The following MDGA2 variants were observed in gnomAD, a reference collection of about 807,000 sequenced individuals.
MDGA2 encodes the protein MAM domain-containing glycosylphosphatidylinositol anchor protein 2.
Under a neutral mutation model 117.8 loss-of-function variants are expected in MDGA2, and 40 were observed. The ratio of observed to expected loss-of-function variants is 0.34; its 90% CI spans 0.26 to 0.44. The LOEUF (loss-of-function observed/expected upper bound fraction) is 0.44. Among genes scored for constraint, MDGA2 ranks in the 20% least tolerant of loss-of-function variants. The probability of loss-of-function intolerance (pLI) is 1.00; values close to 1 mark genes in which losing one functional copy is unlikely to be tolerated. For synonymous variants in MDGA2, 452 were observed against 439.0 expected, an observed-to-expected ratio of 1.03 and a Z score of -0.37; for missense variants, 1,123 against 1,250.6, an observed-to-expected ratio of 0.90 and a Z score of 1.54.
chr14:47,157,595 A>ATATGTG (rs1281939078), intron 3 of MDGA2, among the ~76,000 whole-genome samples: 2 of 144,436 alleles, frequency 1.4e-5, no homozygotes, highest in African/African-American at 5.2e-5. Context: ...ATGTACATAT[A>ATATGTG]TGTGTGTGTG....
At chr14:47,609,267 T>A (rs1896795278) in intron 1 of MDGA2, among the ~76,000 whole-genome samples, 1 of 150,422 alleles carries the variant, frequency 6.6e-6, no homozygotes, top group Non-Finnish European at 1.5e-5. Context: ...TTCTTATGCT[T>A]TTGCGTCCTC....
At chr14:46,943,597 C>G (rs1382379613) in intron 9 of MDGA2, among the ~76,000 whole-genome samples, 5 of 152,010 alleles carry the variant, frequency 3.3e-5, no homozygotes, top group African/African-American at 4.8e-5. Context: ...TATCACATTC[C>G]ATACTTCATG....
intron 2 of MDGA2, among the ~76,000 whole-genome samples, chr14:47,220,735 G>A (rs968868074): frequency 1.3e-5 from 2 of 152,120 alleles, no homozygotes; most frequent in Admixed American, 1.3e-4. Flanking sequence ...TTTTCCTGGA[G>A]TGGTATGGAG....
At chr14:46,994,734 T>C (rs1284967453) in intron 8 of MDGA2, among the ~76,000 whole-genome samples, 1 of 152,170 alleles carries the variant, frequency 6.6e-6, no homozygotes, top group Non-Finnish European at 1.5e-5. Flanking sequence ...CAGCCTTAAA[T>C]ATAAGAGCAA....
At chr14:46,897,971 G>A (rs1337458865) in intron 10 of MDGA2, among the ~76,000 whole-genome samples, 3 of 151,884 alleles carry the variant, frequency 2.0e-5, no homozygotes, top group African/African-American at 7.2e-5. Flanking sequence ...GTAAATATTT[G>A]AGAATGTTTT....
chr14:47,205,363 T>C (rs1176131823), intron 3 of MDGA2, among the ~76,000 whole-genome samples: 1 of 152,038 alleles, frequency 6.6e-6, no homozygotes, highest in Non-Finnish European at 1.5e-5. Context: ...AAAGAGTCTA[T>C]AATTTATTAT....
At chr14:47,334,225 A>G (rs1282430387) in intron 1 of MDGA2, among the ~76,000 whole-genome samples, 1 of 151,858 alleles carries the variant, frequency 6.6e-6, no homozygotes, top group African/African-American at 2.4e-5. Context: ...TAGAGTTGAG[A>G]TATATCAGAC....
chr14:47,364,412 C>T (rs1594818224), intron 1 of MDGA2, among the ~76,000 whole-genome samples: 2 of 152,208 alleles, frequency 1.3e-5, no homozygotes, highest in Admixed American at 1.3e-4. Flanking sequence ...CTACAGGTGC[C>T]CAACACCACG....
chr14:47,120,440 T>C (rs1881588845), intron 5 of MDGA2, among the ~76,000 whole-genome samples: 1 of 152,080 alleles, frequency 6.6e-6, no homozygotes, highest in Admixed American at 6.5e-5. Flanking sequence ...TAAAGCAGAA[T>C]GACTAAAAGG....
At chr14:47,439,669 A>G (rs1892962972) in intron 1 of MDGA2, among the ~76,000 whole-genome samples, 1 of 152,018 alleles carries the variant, frequency 6.6e-6, no homozygotes, top group South Asian at 2.1e-4. Flanking sequence ...AGGGATAATG[A>G]CCGACTAAAT....
intron 1 of MDGA2, among the ~76,000 whole-genome samples, chr14:47,674,142 G>A (rs1898129023): frequency 6.6e-6 from 1 of 150,662 alleles, no homozygotes; most frequent in Admixed American, 6.6e-5. Context: ...CACACTGGAA[G>A]CTTCCCTGGG....
chr14:47,113,616 A>G (rs1881164248), intron 5 of MDGA2, among the ~76,000 whole-genome samples: 2 of 152,204 alleles, frequency 1.3e-5, no homozygotes, highest in Non-Finnish European at 2.9e-5. Flanking sequence ...ACAAATCAAT[A>G]AACATAATTC....
chr14:47,342,298 AT>A (rs2138325585), intron 1 of MDGA2, among the ~76,000 whole-genome samples: 1 of 148,170 alleles, frequency 6.7e-6, no homozygotes, highest in East Asian at 2.0e-4. Context: ...TGTTATATAT[AT>A]AAATATGTGT....
At chr14:47,094,149 C>T (rs1879827655) in intron 6 of MDGA2, among the ~76,000 whole-genome samples, 1 of 151,808 alleles carries the variant, frequency 6.6e-6, no homozygotes, top group Admixed American at 6.6e-5. Context: ...CCTTTAAAAC[C>T]AAGGCTACTT....
At chr14:47,016,710 ATAAC>A (rs1888095331) in intron 8 of MDGA2, among the ~76,000 whole-genome samples, 1 of 152,096 alleles carries the variant, frequency 6.6e-6, no homozygotes. Flanking sequence ...CATAATGAAT[ATAAC>A]TAACATGAGT....
intron 1 of MDGA2, among the ~76,000 whole-genome samples, chr14:47,380,934 T>C (rs1234135418): frequency 1.3e-5 from 2 of 152,158 alleles, no homozygotes; most frequent in African/African-American, 2.4e-5. Context: ...CCAATATCCC[T>C]GATGAACACC....
At chr14:47,664,357 T>G (rs538175323) in intron 1 of MDGA2, among the ~76,000 whole-genome samples, 1 of 152,298 alleles carries the variant, frequency 6.6e-6, no homozygotes, top group African/African-American at 2.4e-5. Flanking sequence ...ATAGTCCTAT[T>G]ATGAGGTTCA....
chr14:47,533,047 C>T (rs1895132419), intron 1 of MDGA2, among the ~76,000 whole-genome samples: 3 of 152,176 alleles, frequency 2.0e-5, no homozygotes, highest in African/African-American at 7.2e-5. Context: ...TGACAGCATC[C>T]ACTTAATCCT....
rs541596097 is a variant in MDGA2, at chr14:47,418,616, G to C, written c.281-117066C>G. Among the ~76,000 whole-genome samples the C allele has an allele frequency of 6.9e-4, 105 of 152,246 alleles. 2 individuals carry two copies. In the South Asian group the frequency reaches 0.019, roughly 28 times the overall value. Reference sequence around the variant, plus strand: ...TCACCTTACAGAAGCCCCACCCCTTGTCAAACTGAGAGTTAGAATTTCAAC... The same window carrying C: ...TCACCTTACAGAAGCCCCACCCCTTCTCAAACTGAGAGTTAGAATTTCAAC... On this transcript the variant is annotated intron_variant, in intron 1 of 16. Transcript: ENST00000399232.
Sources: allele counts gnomAD v4.1 joint callset (sites outside exome capture counted in the v4.1 genomes callset), GRCh38; gene constraint gnomAD v4.1.1; transcripts MANE v1.5; gene names NCBI Gene and HGNC (gene_info 2026-07-23, HGNC 2026-07-21).